Variants in CDC42 observed in about 807,000 individuals in gnomAD.
CDC42 encodes the protein cell division cycle 42.
A neutral mutation model predicts 20.8 loss-of-function variants in CDC42; 1 was observed. That is an observed-to-expected ratio of 0.05 (90% CI 0.02 to 0.23). The LOEUF (loss-of-function observed/expected upper bound fraction) is 0.23, where lower values mean the gene tolerates loss of function less well. Among genes scored for constraint, CDC42 ranks in the 10% least tolerant of loss-of-function variants. The pLI, the probability that CDC42 is intolerant of heterozygous loss-of-function variation, is 1.00. For synonymous variants in CDC42, 72 were observed against 84.8 expected (o/e 0.85, Z 0.83); for missense variants, 49 against 227.9 (o/e 0.21, Z 5.05).
chr1:22,071,915 C>T (rs959891165), intron 1 of CDC42, among the ~76,000 whole-genome samples: 2 of 152,104 alleles, frequency 1.3e-5, no homozygotes, highest in African/African-American at 4.8e-5. Context: ...CACCCCACAG[C>T]TTAAGGGCTC....
chr1:22,074,620 A>G (rs943048316), intron 1 of CDC42, among the ~76,000 whole-genome samples: 5 of 151,534 alleles, frequency 3.3e-5, no homozygotes, highest in African/African-American at 9.7e-5. Context: ...GGTCTTAACT[A>G]TGTTGCCCAG....
At chr1:22,086,198 AT>A (rs1323933875) in intron 3 of CDC42, among the ~76,000 whole-genome samples, 1 of 152,204 alleles carries the variant, frequency 6.6e-6, no homozygotes, top group Non-Finnish European at 1.5e-5. Context: ...GGACACAAAG[AT>A]TGAACACCAC....
chr1:22,063,228 T>G (rs2152827364), intron 1 of CDC42, among the ~76,000 whole-genome samples: 1 of 152,262 alleles, frequency 6.6e-6, no homozygotes, highest in South Asian at 2.1e-4. Context: ...ACTCTGAAAA[T>G]CTGTGGCACT....
chr1:22,057,894 T>C (rs1434151698), intron 1 of CDC42, among the ~76,000 whole-genome samples: 3 of 151,066 alleles, frequency 2.0e-5, no homozygotes, highest in Admixed American at 6.6e-5. Context: ...CGGGTAATTT[T>C]CGTATTTTTA....
intron 1 of CDC42, among the ~76,000 whole-genome samples, chr1:22,062,743 A>T (rs1332584449): frequency 6.9e-6 from 1 of 145,260 alleles, no homozygotes; most frequent in Non-Finnish European, 1.5e-5. Flanking sequence ...AAAAAAAAAA[A>T]AAAAAAAAAA....
chr1:22,092,400 T>C lies in CDC42; in HGVS notation c.*883T>C, dbSNP rs16831115. 3.9e-5 allele frequency: 6 copies of C among 152,608 alleles called. No homozygotes were observed. The highest frequency in any genetic ancestry group is 2.6e-4 in the Admixed American group (4 of 15,280). The allele number at this position is 152,608 out of a possible 1,614,324, so 9.5% of individuals were successfully genotyped here. Reference sequence around the variant, plus strand: ...TGAATTGAGTTTGTAATTAAAAAAATTTTTTTCCCTTTCAGTCATTGTCTT... The same window carrying C: ...TGAATTGAGTTTGTAATTAAAAAAACTTTTTTCCCTTTCAGTCATTGTCTT... On this transcript the variant is annotated 3_prime_UTR_variant, in exon 6 of 6. Transcript: ENST00000656825.
intron 1 of CDC42, among the ~76,000 whole-genome samples, chr1:22,056,519 C>T (rs1440514942): frequency 1.3e-5 from 2 of 152,174 alleles, no homozygotes; most frequent in Non-Finnish European, 2.9e-5. Context: ...GTATCAGATT[C>T]CTGGTCATGT....
intron 5 of CDC42, among the ~76,000 whole-genome samples, chr1:22,089,659 C>T (rs531822603): frequency 1.3e-5 from 2 of 152,276 alleles, no homozygotes; most frequent in South Asian, 4.1e-4. Context: ...TCACATAAGC[C>T]TGAAATTGTA....
intron 1 of CDC42, among the ~76,000 whole-genome samples, chr1:22,058,815 A>T (rs1645331642): frequency 6.6e-6 from 1 of 150,596 alleles, no homozygotes; most frequent in Non-Finnish European, 1.5e-5. Flanking sequence ...CGTATTTTTT[A>T]ATTTTATTTT....
intron 3 of CDC42, among the ~76,000 whole-genome samples, chr1:22,082,711 C>T (rs17837982): frequency 2.0e-5 from 3 of 151,812 alleles, no homozygotes; most frequent in Admixed American, 6.6e-5. Flanking sequence ...TAATTGAGAA[C>T]GTGAAATGGA....
At chr1:22,061,781 G>T (rs946301843) in intron 1 of CDC42, among the ~76,000 whole-genome samples, 18 of 148,930 alleles carry the variant, frequency 1.2e-4, no homozygotes, top group African/African-American at 4.5e-4. Flanking sequence ...GGCTGGTCTC[G>T]AACTCCTGAC....
At chr1:22,077,179 G>C (rs908190799) in intron 1 of CDC42, among the ~76,000 whole-genome samples, 8 of 152,020 alleles carry the variant, frequency 5.3e-5, no homozygotes, top group Admixed American at 3.3e-4. Context: ...ATATACTGCA[G>C]ATAATTTTGA....
chr1:22,090,118 C>T, intron 5 of CDC42: 1 of 1,508,742 alleles, frequency 6.6e-7, no homozygotes, highest in South Asian at 1.3e-5. Context: ...TAAAACCATC[C>T]TGTTTGAAAG....
chr1:22,061,770 A>G (rs2152827047), intron 1 of CDC42, among the ~76,000 whole-genome samples: 1 of 151,628 alleles, frequency 6.6e-6, no homozygotes, highest in East Asian at 2.0e-4. Flanking sequence ...CGTGTTGGCC[A>G]GGCTGGTCTC....
rs572607388 is a variant in CDC42, at chr1:22,054,874, CAG to C, written c.-51+2133_-51+2134del. Among the ~76,000 whole-genome samples, 404 of 107,202 alleles carry C rather than the reference CAG, an allele frequency of 3.8e-3. 2 individuals carry two copies. Among genetic ancestry groups the C allele is most frequent in the African/African-American group, 0.013 (359 of 28,150 alleles). 70.3% of individuals were successfully genotyped at this position (107,202 alleles called of 152,430 possible). ...TTGTATCTTTCCTTTTAGAAAGTAACAGTAGTTTGAATTTATGTATATATATA... is the reference window on the plus strand; with the variant it reads ...TTGTATCTTTCCTTTTAGAAAGTAACTAGTTTGAATTTATGTATATATATA... On this transcript the variant is annotated intron_variant, in intron 1 of 5. Transcript: ENST00000656825.
intron 1 of CDC42, chr1:22,068,880 G>T (rs918698855): frequency 6.6e-6 from 1 of 152,230 alleles, no homozygotes; most frequent in African/African-American, 2.4e-5. Flanking sequence ...TTAGTTAAGA[G>T]ACTAGAATGA....
At chr1:22,063,841 C>G (rs1645391859) in intron 1 of CDC42, among the ~76,000 whole-genome samples, 1 of 152,128 alleles carries the variant, frequency 6.6e-6, no homozygotes, top group Admixed American at 6.5e-5. Flanking sequence ...GTGCCTCAGC[C>G]TCCCGAGTAG....
At chr1:22,056,324 C>T (rs1356081353) in intron 1 of CDC42, among the ~76,000 whole-genome samples, 1 of 152,174 alleles carries the variant, frequency 6.6e-6, no homozygotes, top group Non-Finnish European at 1.5e-5. Context: ...TCTTGCTTGA[C>T]TTTTTCCATC....
At chr1:22,085,831 T>A (rs969367267) in intron 3 of CDC42, among the ~76,000 whole-genome samples, 8 of 152,066 alleles carry the variant, frequency 5.3e-5, no homozygotes, top group Non-Finnish European at 7.4e-5. Context: ...TTTCCTTAGA[T>A]GATTTCACTG....
Sources: gnomAD v4.1 joint callset for allele counts (sites outside exome capture counted in the v4.1 genomes callset) on GRCh38, gnomAD v4.1.1 for gene constraint, MANE v1.5 for transcripts, NCBI Gene and HGNC (gene_info 2026-07-23, HGNC 2026-07-21) for gene names.